MBD2: variants seen among roughly 807,000 people sequenced by gnomAD.
MBD2 encodes the protein methyl-CpG binding domain protein 2.
MBD2 carries 9 observed loss-of-function variants against 39.3 expected under a neutral mutation model. The ratio of observed to expected loss-of-function variants is 0.23; its 90% CI spans 0.14 to 0.40. The LOEUF (loss-of-function observed/expected upper bound fraction) is 0.40. Among genes scored for constraint, MBD2 ranks in the 10% least tolerant of loss-of-function variants. MBD2 has a pLI of 1.00. For synonymous variants in MBD2, 233 were observed against 211.1 expected (o/e 1.10, Z -0.90); for missense variants, 458 against 532.6 (o/e 0.86, Z 1.38).
chr18:54,176,691 T>C (rs1015496101), intron 3 of MBD2, among the ~76,000 whole-genome samples: 16 of 152,350 alleles, frequency 1.1e-4, no homozygotes, highest in Non-Finnish European at 4.4e-5. Flanking sequence ...TGTCTAGTTA[T>C]GGTCAGCAAA....
At position 54,151,761 on chromosome 18, in the gene MBD2, T is replaced by C. The variant is rs1271229295; in HGVS notation, c.*3563A>G. On this transcript the variant is annotated 3_prime_UTR_variant, in exon 7 of 7. Transcript: ENST00000256429. Reference sequence around the variant, plus strand: ...TTATTTATGAAGATCTATATTATTTTAAAAATCCAAACGAGTAATCTTATA... The same window carrying C: ...TTATTTATGAAGATCTATATTATTTCAAAAATCCAAACGAGTAATCTTATA... 1 of 147,056 alleles carries C rather than the reference T, an allele frequency of 6.8e-6. No homozygotes were observed. The highest frequency in any genetic ancestry group is 1.5e-5 in the Non-Finnish European group (1 of 67,392). 9.1% of individuals were successfully genotyped at this position (147,056 alleles called of 1,614,324 possible).
intron 1 of MBD2, 129 bp from the exon 2 acceptor site, chr18:54,205,286 G>T: frequency 3.4e-6 from 3 of 887,240 alleles, no homozygotes; most frequent in Non-Finnish European, 5.0e-6. Context: ...AAATGTTAAA[G>T]TTTTGCTAGG....
At position 54,164,429 on chromosome 18, in the gene MBD2, C is replaced by A; in HGVS notation, c.1109+94G>T. The A allele has an allele frequency of 2.8e-6, 3 of 1,079,250 alleles. No homozygotes were observed. The East Asian group carries it at 7.3e-5, about 26-fold the overall frequency. The allele number at this position is 1,079,250 out of a possible 1,614,324, so 66.9% of individuals were successfully genotyped here. A position where few individuals can be genotyped will look rare whatever the true frequency, so the allele number is the denominator to read the frequency against. ...AAGTATAACTTTCTAGGTGATATAT[C>A]ACTTACTAGATATGCCACTGAACCT... On this transcript the variant is annotated intron_variant, in intron 5 of 6. Coordinates refer to ENST00000256429, the MANE Select transcript of MBD2 (RefSeq NM_003927.5).
At chr18:54,172,586 C>T (rs549669126) in intron 3 of MBD2, among the ~76,000 whole-genome samples, 27 of 152,138 alleles carry the variant, frequency 1.8e-4, no homozygotes, top group African/African-American at 6.5e-4. Context: ...GCACGATTTT[C>T]ATTAATCATT....
intron 3 of MBD2, among the ~76,000 whole-genome samples, chr18:54,180,765 A>G (rs1412046218): frequency 6.6e-6 from 1 of 152,032 alleles, no homozygotes; most frequent in African/African-American, 2.4e-5. Context: ...CTGTATTCCT[A>G]TGTTACTTAG....
At chr18:54,183,219 T>C (rs2086262664) in intron 3 of MBD2, among the ~76,000 whole-genome samples, 3 of 152,212 alleles carry the variant, frequency 2.0e-5, no homozygotes, top group African/African-American at 4.8e-5. Context: ...TTACAGGTGC[T>C]GATGAGACTT....
At chr18:54,223,750 C>T (rs2086634374) in intron 1 of MBD2, among the ~76,000 whole-genome samples, 1 of 152,178 alleles carries the variant, frequency 6.6e-6, no homozygotes, top group Non-Finnish European at 1.5e-5. Context: ...GACTAACCAT[C>T]CCTGCCAGGC....
rs1340359810 is a variant in MBD2, at chr18:54,202,451, T to TA, written c.702+2546dup. ...TAGCTTTCTTTACACTGTACCATCA[T>TA]AAAAAAGACATAATATAGTTATTAC... On this transcript the variant is annotated intron_variant, in intron 2 of 6. Coordinates refer to ENST00000256429, the MANE Select transcript of MBD2 (RefSeq NM_003927.5). 5.9e-5 allele frequency among the ~76,000 whole-genome samples: 9 copies of TA among 152,318 alleles called. No homozygotes were observed. In the South Asian group the frequency reaches 1.0e-3, roughly 18 times the overall value.
At chr18:54,189,558 T>A (rs554545443) in intron 2 of MBD2, among the ~76,000 whole-genome samples, 1 of 152,276 alleles carries the variant, frequency 6.6e-6, no homozygotes, top group South Asian at 2.1e-4. Context: ...GAAAATTCTC[T>A]ACATAAATTT....
intron 2 of MBD2, among the ~76,000 whole-genome samples, chr18:54,189,965 C>T (rs2086309738): frequency 6.6e-6 from 1 of 151,942 alleles, no homozygotes; most frequent in Non-Finnish European, 1.5e-5. Flanking sequence ...TTTAAGGATA[C>T]CAATCAGGAT....
Position 54,223,992 on chromosome 18 carries a change from C to A in MBD2, c.542+26G>T, listed in dbSNP as rs141652071. 1.1e-4 allele frequency: 170 copies of A among 1,536,230 alleles called. 2 individuals carry two copies. The East Asian group carries it at 2.4e-3, about 22-fold the overall frequency. ...CCCTGACCCCGGCCTGACCCCGCCA[C>A]CCCCTCCCCGCCCCCAGGGAGGTAC... On this transcript the variant is annotated intron_variant, in intron 1 of 6. Coordinates refer to ENST00000256429, the MANE Select transcript of MBD2 (RefSeq NM_003927.5).
At chr18:54,214,779 G>A (rs2086542860) in intron 1 of MBD2, among the ~76,000 whole-genome samples, 3 of 147,200 alleles carry the variant, frequency 2.0e-5, no homozygotes, top group Admixed American at 6.9e-5. Flanking sequence ...TCGCTCTGTC[G>A]CCGAGGCTGG....
At chr18:54,221,318 C>G (rs1264639985) in intron 1 of MBD2, among the ~76,000 whole-genome samples, 1 of 151,766 alleles carries the variant, frequency 6.6e-6, no homozygotes, top group Non-Finnish European at 1.5e-5. Flanking sequence ...ATTAGCTGGG[C>G]GTGGTGGTGG....
At position 54,159,760 on chromosome 18, in the gene MBD2, T is replaced by G. The variant is rs1387936810; in HGVS notation, c.*12+5A>C. On this transcript the variant is annotated splice_donor_5th_base_variant and intron_variant, in intron 6 of 6. Transcript: ENST00000256429. ...TCCAAGTCACTCTCTCTGGTGTCAG[T>G]TTACCTGATCATATTCTTAGGCTTC... 1 of 1,606,542 alleles carries G rather than the reference T, an allele frequency of 6.2e-7. No individual in the cohort carries two copies. The highest frequency in any genetic ancestry group is 1.7e-5 in the Admixed American group (1 of 59,992).
Position 54,224,556 on chromosome 18 carries a change from G to A in MBD2, c.4C>T (p.Arg2Cys), listed in dbSNP as rs1488670477. The A allele has an allele frequency of 8.2e-7, 1 of 1,224,946 alleles. No homozygotes were observed. 75.9% of individuals were successfully genotyped at this position (1,224,946 alleles called of 1,614,324 possible). A position where few individuals can be genotyped will look rare whatever the true frequency, so the allele number is the denominator to read the frequency against. ...CAGCGGCCTCCCCCCGGGTGCGCGC[G>A]CATCCAGCCCCCTCCCCAGCCGGCG... is the stretch of plus-strand genomic sequence containing the variant. M[R>C]AHPGGGRCCP... The change falls in exon 1 of 7, where the codon CGC becomes TGC. Residue 2 changes from arginine to cysteine, a missense_variant. By Grantham distance (180) the Arg-to-Cys change is radical. Around this residue, in one of 2 missense-constraint regions of MBD2, gnomAD observed 269 missense variants for 236.0 expected, o/e 1.14. Transcript: ENST00000256429.
intron 3 of MBD2, among the ~76,000 whole-genome samples, chr18:54,168,118 T>C (rs1416970082): frequency 6.6e-6 from 1 of 151,390 alleles, no homozygotes; most frequent in Non-Finnish European, 1.5e-5. Flanking sequence ...AATCTCATAG[T>C]CACTGATTTG....
intron 2 of MBD2, among the ~76,000 whole-genome samples, chr18:54,193,340 T>C (rs1213433656): frequency 6.6e-6 from 1 of 152,216 alleles, no homozygotes; most frequent in African/African-American, 2.4e-5. Context: ...AAGCAGAAAT[T>C]CTTTGTTACA....
intron 1 of MBD2, 133 bp downstream of exon 1, chr18:54,223,885 C>T: frequency 1.4e-6 from 1 of 706,264 alleles, no homozygotes; most frequent in Non-Finnish European, 2.2e-6. Context: ...GGTTCCGCCA[C>T]CTTCCACCAC....
intron 3 of MBD2, among the ~76,000 whole-genome samples, chr18:54,180,890 A>ATTTT (rs1568083459): frequency 6.1e-5 from 7 of 114,592 alleles, no homozygotes; most frequent in African/African-American, 2.6e-4. Context: ...GTATTCCTTA[A>ATTTT]TTTTTTCTTT....
Sources: allele counts gnomAD v4.1 joint callset (sites outside exome capture counted in the v4.1 genomes callset), GRCh38; gene constraint gnomAD v4.1.1; regional missense constraint gnomAD v4.1.1; transcripts MANE v1.5; gene names NCBI Gene and HGNC (gene_info 2026-07-23, HGNC 2026-07-21).